The following COQ5 variants were observed in gnomAD, a reference collection of about 807,000 sequenced individuals.
COQ5 encodes 2-methoxy-6-polyprenyl-1,4-benzoquinol methylase, mitochondrial.
Under a neutral mutation model 40.5 loss-of-function variants are expected in COQ5, and 27 were observed. The ratio of observed to expected loss-of-function variants is 0.67; its 90% CI spans 0.49 to 0.92. COQ5 has a LOEUF of 0.92. Ranked by LOEUF, COQ5 falls within the 40% of genes least tolerant of loss-of-function variation. The probability of loss-of-function intolerance (pLI) is 0.00; values close to 1 mark genes in which losing one functional copy is unlikely to be tolerated. For synonymous variants in COQ5, 141 were observed against 150.0 expected (o/e 0.94, Z 0.44); for missense variants, 409 against 406.4 (o/e 1.01, Z -0.06).
chr12:120,520,086 CTAAT>C (rs1293760211), intron 2 of COQ5, among the ~76,000 whole-genome samples: 4 of 151,550 alleles, frequency 2.6e-5, no homozygotes, highest in African/African-American at 7.3e-5. Flanking sequence ...TCTATCGTTA[CTAAT>C]TATCAAATTA....
chr12:120,513,331 A>G (rs1439332267), intron 3 of COQ5, among the ~76,000 whole-genome samples: 7 of 150,080 alleles, frequency 4.7e-5, no homozygotes, highest in Non-Finnish European at 1.0e-4. Context: ...GAGAAACCCC[A>G]TCTCTACTAA....
chr12:120,506,327 G>C (rs1157981901), intron 4 of COQ5, among the ~76,000 whole-genome samples: 1 of 151,922 alleles, frequency 6.6e-6, no homozygotes, highest in Non-Finnish European at 1.5e-5. Context: ...GAGAGATCAG[G>C]AGAAAGAGAT....
At position 120,522,869 on chromosome 12, in the gene COQ5, G is replaced by A. The variant is rs560685230; in HGVS notation, c.203-506C>T. On this transcript the variant is annotated intron_variant, in intron 1 of 6. Coordinates refer to ENST00000288532, the MANE Select transcript of COQ5 (RefSeq NM_032314.4). ...TGCGGCTGACACCCTTTGGGATCTC[G>A]GGCTTAACCTCCTTGGGCTTTACAA... 37 of 718,524 alleles carry A rather than the reference G, an allele frequency of 5.1e-5. 1 individual carries two copies. The highest frequency in any genetic ancestry group is 4.1e-4 in the South Asian group (27 of 66,394). The allele number at this position is 718,524 out of a possible 1,614,324, so 44.5% of individuals were successfully genotyped here.
intron 4 of COQ5, 44 bp downstream of exon 4, chr12:120,509,973 A>C: frequency 6.9e-7 from 1 of 1,441,576 alleles, no homozygotes; most frequent in African/African-American, 1.4e-5. Context: ...CAACAGAGGT[A>C]ATTTCCTGAG....
chr12:120,515,595 T>A (rs936061292), intron 3 of COQ5, among the ~76,000 whole-genome samples: 2 of 152,134 alleles, frequency 1.3e-5, no homozygotes, highest in Non-Finnish European at 2.9e-5. Flanking sequence ...AGTATAATAA[T>A]TTTTTGTGTG....
At chr12:120,514,538 C>T (rs1047401113) in intron 3 of COQ5, among the ~76,000 whole-genome samples, 2 of 151,742 alleles carry the variant, frequency 1.3e-5, no homozygotes, top group African/African-American at 2.4e-5. Context: ...ACCAGGAGTT[C>T]GAGACCAGCC....
At chr12:120,504,216 G>T (rs1305091341) in intron 5 of COQ5, 135 bp from the exon 6 acceptor site, 2 of 685,256 alleles carry the variant, frequency 2.9e-6, no homozygotes, top group Non-Finnish European at 5.3e-6. Context: ...CCTGAATTAA[G>T]TGGGTCAGGT....
chr12:120,523,433 G>T, intron 1 of COQ5: 1 of 407,328 alleles, frequency 2.5e-6, no homozygotes, highest in South Asian at 2.0e-5. Flanking sequence ...GTGGTTCTTA[G>T]ACTTGGCCAT....
At chr12:120,522,425 AC>A in intron 1 of COQ5, 62 bp from the exon 2 acceptor site, 1 of 1,556,888 alleles carries the variant, frequency 6.4e-7, no homozygotes, top group Non-Finnish European at 8.9e-7. Context: ...AAAATCCTAA[AC>A]AAAAAAGGAG....
rs1228258349 is a variant in COQ5, at chr12:120,503,749, A to T, written c.*35T>A. On this transcript the variant is annotated 3_prime_UTR_variant, in exon 7 of 7. Coordinates refer to ENST00000288532, the MANE Select transcript of COQ5 (RefSeq NM_032314.4). Reference sequence around the variant, plus strand: ...CCTTCAGTTCCAGGCTTTCAACAGGATATGACTGGTTCATGCTCCATGATA... The same window carrying T: ...CCTTCAGTTCCAGGCTTTCAACAGGTTATGACTGGTTCATGCTCCATGATA... The T allele has an allele frequency of 1.3e-6, 2 of 1,486,064 alleles. No homozygotes were observed. Among genetic ancestry groups the T allele is most frequent in the Non-Finnish European group, 1.9e-6 (2 of 1,063,710 alleles). 92.1% of individuals were successfully genotyped at this position (1,486,064 alleles called of 1,614,324 possible). A position where few individuals can be genotyped will look rare whatever the true frequency, so the allele number is the denominator to read the frequency against.
intron 1 of COQ5, chr12:120,523,031 T>G (rs1019865005): frequency 1.0e-5 from 5 of 491,016 alleles, no homozygotes; most frequent in Non-Finnish European, 1.8e-5. Context: ...TAAGAGATTC[T>G]TATAAAAAAA....
intron 1 of COQ5, chr12:120,523,494 G>A (rs1036953173): frequency 7.1e-6 from 2 of 280,556 alleles, no homozygotes; most frequent in Admixed American, 4.5e-5. Flanking sequence ...CTCCTAAGTC[G>A]TGGATGGCAT....
intron 4 of COQ5, among the ~76,000 whole-genome samples, chr12:120,506,022 A>C (rs1868869119): frequency 6.6e-6 from 1 of 151,812 alleles, no homozygotes; most frequent in African/African-American, 2.4e-5. Flanking sequence ...CACCCAACTA[A>C]TTTTGTGTTT....
chr12:120,511,691 A>G (rs1869142373), intron 3 of COQ5, among the ~76,000 whole-genome samples: 1 of 152,212 alleles, frequency 6.6e-6, no homozygotes, highest in South Asian at 2.1e-4. Flanking sequence ...CCCAGAGCCT[A>G]TGTTTTCAAC....
intron 2 of COQ5, among the ~76,000 whole-genome samples, chr12:120,518,016 AG>A (rs1310981791): frequency 6.6e-6 from 1 of 152,084 alleles, no homozygotes; most frequent in Non-Finnish European, 1.5e-5. Context: ...CATGTTGGTC[AG>A]GCTGGTCTCG....
chr12:120,523,172 A>G, intron 1 of COQ5: 1 of 248,990 alleles, frequency 4.0e-6, no homozygotes, highest in Non-Finnish European at 7.6e-6. Flanking sequence ...CCCCGTCTCT[A>G]CTAAAAATAC....
At chr12:120,520,797 G>A (rs925052680) in intron 2 of COQ5, among the ~76,000 whole-genome samples, 1 of 151,904 alleles carries the variant, frequency 6.6e-6, no homozygotes, top group East Asian at 1.9e-4. Flanking sequence ...TCACCAAGAC[G>A]CATTGTGTAA....
chr12:120,512,855 T>C (rs112115497), intron 3 of COQ5, among the ~76,000 whole-genome samples: 4,508 of 151,486 alleles, frequency 0.03, 224 homozygotes, highest in African/African-American at 0.1. Flanking sequence ...GCCAAGAGTT[T>C]GAGAGTAGCC....
intron 4 of COQ5, among the ~76,000 whole-genome samples, chr12:120,508,694 A>T (rs1362889408): frequency 6.6e-6 from 1 of 152,218 alleles, no homozygotes; most frequent in Non-Finnish European, 1.5e-5. Flanking sequence ...AGATTGTCAC[A>T]TATAACCTTT....
Sources: gnomAD v4.1 joint callset for allele counts (sites outside exome capture counted in the v4.1 genomes callset) on GRCh38, gnomAD v4.1.1 for gene constraint, MANE v1.5 for transcripts, NCBI Gene and HGNC (gene_info 2026-07-23, HGNC 2026-07-21) for gene names.